Variants in ARFGEF1 observed in about 807,000 individuals in gnomAD.
ARFGEF1 encodes brefeldin A-inhibited guanine nucleotide-exchange protein 1.
ARFGEF1 carries 42 observed loss-of-function variants against 231.0 expected under a neutral mutation model. The ratio of observed to expected loss-of-function variants is 0.18; its 90% confidence interval spans 0.14 to 0.24. The LOEUF (loss-of-function observed/expected upper bound fraction) is 0.24, where lower values mean the gene tolerates loss of function less well. ARFGEF1 is among the 10% of genes least tolerant of loss of function. The pLI, the probability that ARFGEF1 is intolerant of heterozygous loss-of-function variation, is 1.00. For synonymous variants in ARFGEF1, 710 were observed against 732.3 expected, an observed-to-expected ratio of 0.97 and a Z score of 0.49; for missense variants, 1,345 against 2,192.0, an observed-to-expected ratio of 0.61 and a Z score of 7.72.
At chr8:67,303,137 A>G (rs536005485) in intron 1 of ARFGEF1, among the ~76,000 whole-genome samples, 1 of 152,210 alleles carries the variant, frequency 6.6e-6, no homozygotes, top group South Asian at 2.1e-4. Flanking sequence ...AATAATGTGT[A>G]TGCTATAATG....
chr8:67,206,279 G>A (rs965037128), intron 34 of ARFGEF1, among the ~76,000 whole-genome samples: 8 of 151,846 alleles, frequency 5.3e-5, no homozygotes. Context: ...GTGTGGTGGC[G>A]TGTGCCTGTA....
Position 67,265,973 on chromosome 8 carries a change from C to A in ARFGEF1, c.2123+33G>T, listed in dbSNP as rs1413351290. The A allele has an allele frequency of 2.5e-6, 4 of 1,597,850 alleles. No individual in the cohort carries two copies. In the East Asian group the frequency reaches 8.9e-5, roughly 36 times the overall value. On this transcript the variant is annotated intron_variant, in intron 14 of 38. Transcript: ENST00000262215. ...GGCACTATACTGGCAGAGAGATATT[C>A]AATAACATTTCTCCTTAAGCTATGA...
chr8:67,184,149 G>A (rs886945400), intron 5 of ARFGEF1, among the ~76,000 whole-genome samples: 1 of 152,010 alleles, frequency 6.6e-6, no homozygotes, highest in African/African-American at 2.4e-5. Context: ...CACTGCGCCC[G>A]GCCAAAAATT....
At chr8:67,241,634 G>A (rs1839931575) in intron 19 of ARFGEF1, among the ~76,000 whole-genome samples, 1 of 152,022 alleles carries the variant, frequency 6.6e-6, no homozygotes, top group Non-Finnish European at 1.5e-5. Flanking sequence ...TCTTAAAAAT[G>A]GATAATATGC....
chr8:67,238,177 C>T lies in ARFGEF1; in HGVS notation c.3289+166G>A, dbSNP rs62513129. Among the ~76,000 whole-genome samples the T allele has an allele frequency of 5.1e-3, 780 of 152,274 alleles. 3 individuals carry two copies. The highest frequency in any genetic ancestry group is 0.017 in the Middle Eastern group (5 of 294). Reference sequence around the variant, plus strand: ...CTAAGGGTCATTTAATGTTGCAAACCAGACCAGGCAAAAAAGATTTAGTTC... The same window carrying T: ...CTAAGGGTCATTTAATGTTGCAAACTAGACCAGGCAAAAAAGATTTAGTTC... On this transcript the variant is annotated intron_variant, in intron 22 of 38. Coordinates refer to ENST00000262215, the MANE Select transcript of ARFGEF1 (RefSeq NM_006421.5).
chr8:67,342,958 C>CT (rs1484177754), intron 1 of ARFGEF1, among the ~76,000 whole-genome samples: 18 of 152,198 alleles, frequency 1.2e-4, no homozygotes, highest in Non-Finnish European at 2.4e-4. Context: ...GCCCAGCTCA[C>CT]TGCCCTTCCT....
intron 34 of ARFGEF1, among the ~76,000 whole-genome samples, chr8:67,209,209 T>C (rs1308794654): frequency 6.6e-6 from 1 of 152,168 alleles, no homozygotes; most frequent in African/African-American, 2.4e-5. Flanking sequence ...ATCAGACAAA[T>C]GGATAAACAA....
At chr8:67,225,590 C>G (rs1307951446) in intron 28 of ARFGEF1, among the ~76,000 whole-genome samples, 1 of 152,146 alleles carries the variant, frequency 6.6e-6, no homozygotes, top group Non-Finnish European at 1.5e-5. Context: ...TATTCTCATC[C>G]ATAGTCAGTC....
At chr8:67,242,536 G>A (rs1839962735) in intron 19 of ARFGEF1, among the ~76,000 whole-genome samples, 1 of 152,166 alleles carries the variant, frequency 6.6e-6, no homozygotes, top group Admixed American at 6.5e-5. Context: ...CCTGGGCCCT[G>A]AATAGCCAGA....
intron 5 of ARFGEF1, among the ~76,000 whole-genome samples, chr8:67,183,844 T>TA (rs1491219429): frequency 1.3e-5 from 1 of 79,432 alleles, no homozygotes; most frequent in East Asian, 2.6e-4. Context: ...AAATTGGGAA[T>TA]TTTTTTTTTT....
intron 1 of ARFGEF1, among the ~76,000 whole-genome samples, chr8:67,322,352 T>A (rs1386225276): frequency 1.3e-5 from 2 of 152,216 alleles, no homozygotes; most frequent in African/African-American, 4.8e-5. Flanking sequence ...CCCAGAATAC[T>A]TTTTCCACCC....
Position 67,197,747 on chromosome 8 carries a change from A to G in ARFGEF1, c.*1187T>C. 1.0e-6 allele frequency: 1 copy of G among 985,838 alleles called. No individual in the cohort carries two copies. The highest frequency in any genetic ancestry group is 1.2e-6 in the Non-Finnish European group (1 of 829,902). The allele number at this position is 985,838 out of a possible 1,614,324, so 61.1% of individuals were successfully genotyped here. ...AGATGGGAATCAATATTGTACAGAA[A>G]GTTGTACAGAATTTTTTACATAGAA... is the stretch of plus-strand genomic sequence containing the variant. On this transcript the variant is annotated 3_prime_UTR_variant, in exon 39 of 39. Coordinates refer to ENST00000262215, the MANE Select transcript of ARFGEF1 (RefSeq NM_006421.5).
At chr8:67,217,708 CTTTTAA>C in intron 32 of ARFGEF1, 68 bp downstream of exon 32, 1 of 1,490,114 alleles carries the variant, frequency 6.7e-7, no homozygotes, top group Non-Finnish European at 9.2e-7. Context: ...CACTATCAAA[CTTTTAA>C]TCACTAGTCA....
rs775713594 is a variant in ARFGEF1, at chr8:67,291,918, G to T, written c.845C>A (p.Pro282His). 3.7e-6 allele frequency: 6 copies of T among 1,613,790 alleles called. No homozygotes were observed. In the South Asian group the frequency reaches 6.6e-5, roughly 18 times the overall value. ...ACTGGAAATATCAGATCCATTTTCA[G>T]GCTCTGTGTCATCCTGAAGACTTTT... ...VDKSLQDDTE[P>H]ENGSDISSAE... The change falls in exon 6 of 39, where the codon CCT becomes CAT. Residue 282 changes from proline (P) to histidine (H), a missense_variant. Physicochemically the swap from Pro to His is moderately conservative, Grantham distance 77 (BLOSUM62 -2). This residue lies in a region of ARFGEF1 where 398 missense variants were observed against 463.2 expected (regional missense o/e 0.86). Coordinates refer to ENST00000262215, the MANE Select transcript of ARFGEF1 (RefSeq NM_006421.5).
intron 4 of ARFGEF1, among the ~76,000 whole-genome samples, chr8:67,298,006 G>GT (rs1806313496): frequency 6.6e-6 from 1 of 151,916 alleles, no homozygotes; most frequent in African/African-American, 2.4e-5. Context: ...GGGTCTTGCT[G>GT]TGTTGCCCAG....
chr8:67,337,128 C>CAAAAAA (rs1160016610), intron 1 of ARFGEF1, among the ~76,000 whole-genome samples: 12 of 54,906 alleles, frequency 2.2e-4, no homozygotes, highest in African/African-American at 3.7e-4. Context: ...GACGCCGTCT[C>CAAAAAA]AAAAAAAAAA....
chr8:67,236,010 T>C (rs138474046), intron 22 of ARFGEF1, among the ~76,000 whole-genome samples: 19 of 151,748 alleles, frequency 1.3e-4, no homozygotes, highest in African/African-American at 3.9e-4. Context: ...TAAAAGAGGA[T>C]ATGGGCGGGC....
chr8:67,266,093 T>C lies in ARFGEF1; in HGVS notation c.2036A>G (p.Tyr679Cys), dbSNP rs1268876505. The change falls in exon 14 of 39, where the codon TAC (tyrosine) becomes TGC (cysteine). Residue 679 changes from tyrosine to cysteine, a missense_variant. Tyr to Cys is a radical substitution (Grantham distance 194). Around this residue, in one of 14 missense-constraint regions of ARFGEF1, gnomAD observed 105 missense variants for 159.3 expected, o/e 0.66. Coordinates refer to ENST00000262215, the MANE Select transcript of ARFGEF1 (RefSeq NM_006421.5). ...ATCAGTGCCAGACATCTGTGTACTG[T>C]AGCTGCCTATTCCTGATGATGATGT... ...ESTSSSGIGS[Y>C]STQMSGTDNP... is the part of the protein sequence containing the mutation. 2 of 1,613,876 alleles carry C rather than the reference T, an allele frequency of 1.2e-6. No individual in the cohort carries two copies. Among genetic ancestry groups the C allele is most frequent in the Non-Finnish European group, 1.7e-6 (2 of 1,179,806 alleles).
chr8:67,236,370 A>ATATATATATATATG (rs1839764276), intron 22 of ARFGEF1, among the ~76,000 whole-genome samples: 2 of 30,464 alleles, frequency 6.6e-5, no homozygotes, highest in African/African-American at 3.5e-4. Flanking sequence ...AAAAAAATAT[A>ATATATATATATATG]TATATATATA....
Sources: gnomAD v4.1 joint callset for allele counts (sites outside exome capture counted in the v4.1 genomes callset) on GRCh38, gnomAD v4.1.1 for gene constraint, gnomAD v4.1.1 regional missense constraint, MANE v1.5 for transcripts, NCBI Gene and HGNC (gene_info 2026-07-23, HGNC 2026-07-21) for gene names.